Variants in SLC24A4 observed in about 807,000 individuals in gnomAD.
The protein encoded by SLC24A4 is sodium/potassium/calcium exchanger 4.
A neutral mutation model predicts 79.0 loss-of-function variants in SLC24A4; 53 were observed. The ratio of observed to expected loss-of-function variants is 0.67; its 90% confidence interval spans 0.54 to 0.84. The LOEUF (loss-of-function observed/expected upper bound fraction) is 0.84. Ranked by LOEUF, SLC24A4 falls within the 40% of genes least tolerant of loss-of-function variation. The probability of loss-of-function intolerance (pLI) is 0.00; values close to 1 mark genes in which losing one functional copy is unlikely to be tolerated. For missense variants in SLC24A4, 731 were observed against 822.0 expected (o/e 0.89, Z 1.35); for synonymous variants, 323 against 323.8 (o/e 1.00, Z 0.03).
chr14:92,428,993 G>A (rs903927776), intron 2 of SLC24A4, among the ~76,000 whole-genome samples: 4 of 152,252 alleles, frequency 2.6e-5, no homozygotes, highest in Non-Finnish European at 5.9e-5. Context: ...GAAAGGAAAC[G>A]TCAGTGGTAT....
At chr14:92,357,784 A>G (rs1009352384) in intron 2 of SLC24A4, among the ~76,000 whole-genome samples, 1 of 152,238 alleles carries the variant, frequency 6.6e-6, no homozygotes, top group Non-Finnish European at 1.5e-5. Context: ...TTGCACAACA[A>G]TGTGAATGCA....
rs143337890 is a variant in SLC24A4 at position 92,414,937 on chromosome 14, G to A, written c.242-18975G>A. On this transcript the variant is annotated intron_variant, in intron 2 of 16. Coordinates refer to ENST00000532405, the MANE Select transcript of SLC24A4 (RefSeq NM_153646.4). The stretch of plus-strand genomic sequence containing the variant: ...TCTCTGTGTGGGTGGAGGTCACCAT[G>A]TGCTCTGGAATTGTGTCGCTGTGAG... 4.1e-3 allele frequency among the ~76,000 whole-genome samples: 631 copies of A among 152,352 alleles called. 6 individuals are homozygous for A. Among genetic ancestry groups the A allele is most frequent in the African/African-American group, 0.014 (591 of 41,576 alleles).
chr14:92,418,991 C>T (rs559351069), intron 2 of SLC24A4, among the ~76,000 whole-genome samples: 11 of 152,286 alleles, frequency 7.2e-5, no homozygotes, highest in Middle Eastern at 3.4e-3. Context: ...CATGAGCCAC[C>T]GCACCCGGCC....
At chr14:92,436,109 A>G (rs1385521204) in intron 3 of SLC24A4, among the ~76,000 whole-genome samples, 1 of 152,200 alleles carries the variant, frequency 6.6e-6, no homozygotes, top group Non-Finnish European at 1.5e-5. Context: ...ACAGTTCCTC[A>G]TGGATGGGGA....
chr14:92,391,226 C>T (rs904168330), intron 2 of SLC24A4, among the ~76,000 whole-genome samples: 12 of 152,224 alleles, frequency 7.9e-5, no homozygotes, highest in Admixed American at 2.6e-4. Context: ...GCTACACCTG[C>T]CATCTGTGGG....
At chr14:92,334,432 A>G (rs752655331) in intron 2 of SLC24A4, among the ~76,000 whole-genome samples, 5 of 152,188 alleles carry the variant, frequency 3.3e-5, no homozygotes, top group Non-Finnish European at 5.9e-5. Context: ...TGCCTGTTTC[A>G]GGGGTGGAGT....
chr14:92,429,749 C>T (rs952529802), intron 2 of SLC24A4, among the ~76,000 whole-genome samples: 2 of 152,192 alleles, frequency 1.3e-5, no homozygotes, highest in African/African-American at 4.8e-5. Flanking sequence ...CTGGGTTCTT[C>T]TCTTATCTGT....
At chr14:92,413,425 C>T (rs2141798909) in intron 2 of SLC24A4, among the ~76,000 whole-genome samples, 1 of 152,318 alleles carries the variant, frequency 6.6e-6, no homozygotes, top group African/African-American at 2.4e-5. Context: ...GAGCCCAACT[C>T]TCCCATCTCC....
chr14:92,407,870 T>C (rs1890481962), intron 2 of SLC24A4, among the ~76,000 whole-genome samples: 1 of 71,852 alleles, frequency 1.4e-5, no homozygotes, highest in Non-Finnish European at 3.2e-5. Flanking sequence ...TGTGTGTGTG[T>C]GTGTGTGTGT....
At chr14:92,329,852 C>G (rs1156379778) in intron 2 of SLC24A4, among the ~76,000 whole-genome samples, 1 of 152,222 alleles carries the variant, frequency 6.6e-6, no homozygotes, top group Non-Finnish European at 1.5e-5. Flanking sequence ...ACTAACATTA[C>G]TCACTTCATT....
At chr14:92,481,889 A>G (rs1203667132) in intron 12 of SLC24A4, among the ~76,000 whole-genome samples, 2 of 152,188 alleles carry the variant, frequency 1.3e-5, no homozygotes, top group South Asian at 2.1e-4. Context: ...GTGCACACCT[A>G]TCTTCAGTGG....
At chr14:92,342,556 T>C (rs1413236911) in intron 2 of SLC24A4, among the ~76,000 whole-genome samples, 1 of 151,986 alleles carries the variant, frequency 6.6e-6, no homozygotes, top group East Asian at 1.9e-4. Context: ...GCTAATTTTG[T>C]ATTTTTAGTA....
chr14:92,375,947 A>C (rs145106361), intron 2 of SLC24A4, among the ~76,000 whole-genome samples: 1 of 152,360 alleles, frequency 6.6e-6, no homozygotes, highest in African/African-American at 2.4e-5. Flanking sequence ...GTTGCATGAC[A>C]TTGTGACTGT....
chr14:92,376,248 A>C (rs919297456), intron 2 of SLC24A4, among the ~76,000 whole-genome samples: 2 of 152,114 alleles, frequency 1.3e-5, no homozygotes, highest in Non-Finnish European at 1.5e-5. Flanking sequence ...TGCCGATAGA[A>C]CCTACCTCAC....
At chr14:92,463,135 A>C (rs2139868864) in intron 12 of SLC24A4, among the ~76,000 whole-genome samples, 1 of 152,284 alleles carries the variant, frequency 6.6e-6, no homozygotes, top group Admixed American at 6.5e-5. Flanking sequence ...TTATTATAGC[A>C]AAACCCGGAA....
At chr14:92,360,496 T>G (rs1437023442) in intron 2 of SLC24A4, among the ~76,000 whole-genome samples, 3 of 152,254 alleles carry the variant, frequency 2.0e-5, no homozygotes, top group Non-Finnish European at 2.9e-5. Context: ...AGTGGGATAC[T>G]GTACTATTTA....
At chr14:92,447,445 C>G (rs777903850) in intron 9 of SLC24A4, 21 bp downstream of exon 9, 13 of 1,612,318 alleles carry the variant, frequency 8.1e-6, no homozygotes, top group Non-Finnish European at 1.1e-5. Context: ...TTTCTCCTCC[C>G]CGGGGCTGCC....
chr14:92,399,906 G>C (rs1420906289), intron 2 of SLC24A4, among the ~76,000 whole-genome samples: 2 of 152,070 alleles, frequency 1.3e-5, no homozygotes, highest in Non-Finnish European at 2.9e-5. Flanking sequence ...TTTGTTTCTT[G>C]GGGGGTTTTT....
chr14:92,435,822 T>C (rs1454606482), intron 3 of SLC24A4, among the ~76,000 whole-genome samples: 1 of 152,212 alleles, frequency 6.6e-6, no homozygotes, highest in African/African-American at 2.4e-5. Flanking sequence ...ACAGAGTTAT[T>C]ATCTTTCTAG....
Sources: gnomAD v4.1 joint callset for allele counts (sites outside exome capture counted in the v4.1 genomes callset) on GRCh38, gnomAD v4.1.1 for gene constraint, MANE v1.5 for transcripts, NCBI Gene and HGNC (gene_info 2026-07-23, HGNC 2026-07-21) for gene names.